SEC24B: variants seen among roughly 807,000 people sequenced by gnomAD.
SEC24B encodes the protein SEC24 homolog B, COPII component.
Under a neutral mutation model 142.8 loss-of-function variants are expected in SEC24B, and 45 were observed. The ratio of observed to expected loss-of-function variants is 0.32; its 90% CI spans 0.25 to 0.40. The LOEUF (loss-of-function observed/expected upper bound fraction) is 0.40, where lower values mean the gene tolerates loss of function less well. Among genes scored for constraint, SEC24B ranks in the 10% least tolerant of loss-of-function variants. The pLI is 1.00. For missense variants in SEC24B, 1,409 were observed against 1,526.8 expected, an observed-to-expected ratio of 0.92 and a Z score of 1.29; for synonymous variants, 574 against 568.2, an observed-to-expected ratio of 1.01 and a Z score of -0.15.
Position 109,521,039 on chromosome 4 carries a change from A to G in SEC24B, c.2246-78A>G, listed in dbSNP as rs1561171297. ...CAAAATTATAGTACACATTACATGTATGACCTGATAAAAACTAAGATTTTC... is the reference window on the plus strand; with the variant it reads ...CAAAATTATAGTACACATTACATGTGTGACCTGATAAAAACTAAGATTTTC... On this transcript the variant is annotated intron_variant, in intron 12 of 23. Coordinates refer to ENST00000265175, the MANE Select transcript of SEC24B (RefSeq NM_006323.5). 5.7e-6 allele frequency: 5 copies of G among 877,140 alleles called. No individual in the cohort carries two copies. The East Asian group carries it at 7.4e-5, about 13-fold the overall frequency. 54.3% of individuals were successfully genotyped at this position (877,140 alleles called of 1,614,324 possible).
At chr4:109,482,977 T>TATATATATATATATATAC (rs1733910237) in intron 4 of SEC24B, among the ~76,000 whole-genome samples, 1 of 47,478 alleles carries the variant, frequency 2.1e-5, no homozygotes, top group African/African-American at 9.9e-5. Context: ...TATATATATA[T>TATATATATATATATATAC]ATACACACAC....
intron 1 of SEC24B, among the ~76,000 whole-genome samples, chr4:109,445,239 TTTG>T (rs1011142464): frequency 7.3e-6 from 1 of 136,132 alleles, no homozygotes; most frequent in Non-Finnish European, 1.5e-5. Context: ...TCTTTCTTTC[TTTG>T]TTTTTTTTTT....
At chr4:109,536,985 A>G in intron 22 of SEC24B, among the ~76,000 whole-genome samples, 1 of 152,268 alleles carries the variant, frequency 6.6e-6, no homozygotes, top group South Asian at 2.1e-4. Flanking sequence ...AAATCTTAAG[A>G]TTATCTGTAA....
chr4:109,530,730 C>T (rs1053413983), intron 19 of SEC24B, among the ~76,000 whole-genome samples: 4 of 151,452 alleles, frequency 2.6e-5, no homozygotes, highest in South Asian at 2.1e-4. Context: ...AGTGAAACCC[C>T]GCCTCTACCA....
chr4:109,517,672 G>GAT (rs554426162), intron 11 of SEC24B, among the ~76,000 whole-genome samples: 4 of 152,000 alleles, frequency 2.6e-5, no homozygotes, highest in African/African-American at 9.7e-5. Flanking sequence ...CCACAGTGTA[G>GAT]ATATATATAT....
intron 5 of SEC24B, 74 bp downstream of exon 5, chr4:109,491,481 G>A (rs1388501947): frequency 6.4e-6 from 7 of 1,092,856 alleles, no homozygotes; most frequent in East Asian, 4.8e-5. Flanking sequence ...ATGTGAACAT[G>A]TATTACACAT....
chr4:109,433,848 C>A lies in SEC24B; in HGVS notation c.-22C>A, dbSNP rs1728092869. On this transcript the variant is annotated 5_prime_UTR_variant, in exon 1 of 24. Transcript: ENST00000265175. ...TCCGCCCACCTCCCTGAAGCGGAGC[C>A]GCCGTCGCCACCAGCGCCGTCATGT... 13 of 1,291,678 alleles carry A rather than the reference C, an allele frequency of 1.0e-5. No individual in the cohort carries two copies. Among genetic ancestry groups the A allele is most frequent in the Admixed American group, 7.5e-5 (2 of 26,730 alleles). The allele number at this position is 1,291,678 out of a possible 1,614,324, so 80.0% of individuals were successfully genotyped here. A position where few individuals can be genotyped will look rare whatever the true frequency, so the allele number is the denominator to read the frequency against.
chr4:109,494,979 C>T, intron 6 of SEC24B, 123 bp downstream of exon 6: 1 of 1,132,882 alleles, frequency 8.8e-7, no homozygotes, highest in Non-Finnish European at 1.3e-6. Context: ...CAGCCTAGAT[C>T]AAACATACAT....
intron 11 of SEC24B, among the ~76,000 whole-genome samples, chr4:109,517,104 A>T (rs1040176921): frequency 6.6e-6 from 1 of 152,332 alleles, no homozygotes; most frequent in East Asian, 1.9e-4. Context: ...TGATCCAGCA[A>T]TCCCACTACT....
At chr4:109,484,463 C>G (rs1734138425) in intron 4 of SEC24B, among the ~76,000 whole-genome samples, 1 of 151,934 alleles carries the variant, frequency 6.6e-6, no homozygotes, top group Non-Finnish European at 1.5e-5. Flanking sequence ...ACTGTTTTTC[C>G]CTGTTAAAAT....
chr4:109,505,293 T>A (rs1192060206), intron 6 of SEC24B, among the ~76,000 whole-genome samples: 1 of 152,114 alleles, frequency 6.6e-6, no homozygotes, highest in Non-Finnish European at 1.5e-5. Context: ...TTCAAGCTGA[T>A]CTTAAAACCT....
intron 6 of SEC24B, among the ~76,000 whole-genome samples, chr4:109,499,562 G>A (rs1735895221): frequency 6.6e-6 from 1 of 152,128 alleles, no homozygotes; most frequent in Non-Finnish European, 1.5e-5. Flanking sequence ...GCTGCATAAT[G>A]ACATTTTAGT....
chr4:109,513,921 T>A, intron 10 of SEC24B, 65 bp downstream of exon 10: 1 of 1,029,362 alleles, frequency 9.7e-7, no homozygotes, highest in Non-Finnish European at 1.5e-6. Context: ...AATTTTCTGT[T>A]AAGTGAACTC....
intron 6 of SEC24B, among the ~76,000 whole-genome samples, chr4:109,503,226 ATT>A (rs1391734152): frequency 1.2e-4 from 15 of 121,770 alleles, no homozygotes; most frequent in Non-Finnish European, 1.6e-4. Flanking sequence ...CGCCTGGCTA[ATT>A]TTTTTTTTTT....
intron 4 of SEC24B, among the ~76,000 whole-genome samples, chr4:109,483,401 T>G (rs1203797669): frequency 1.3e-5 from 2 of 152,044 alleles, no homozygotes; most frequent in Non-Finnish European, 2.9e-5. Flanking sequence ...TTTAATAATT[T>G]TGTACATGAT....
rs200893141 is a variant in SEC24B at position 109,473,037 on chromosome 4, A to C, written c.911A>C (p.Asn304Thr). The C allele has an allele frequency of 2.8e-5, 45 of 1,588,298 alleles. No individual in the cohort carries two copies. Among genetic ancestry groups the C allele is most frequent in the Non-Finnish European group, 3.7e-5 (43 of 1,168,690 alleles). Reference protein sequence around the residue: ...ADSLSCPVMQNVQPPKSSPVV... With the variant: ...ADSLSCPVMQTVQPPKSSPVV... ...TCTTTATCCTGTCCTGTTATGCAAA[A>C]TGTTCAGCCTCCCAAGTCCAGCCCA... The change falls in exon 3 of 24, where the codon AAT becomes ACT. Residue 304 changes from asparagine (N) to threonine (T), a missense_variant. This residue lies in a region of SEC24B where 709 missense variants were observed against 673.5 expected (regional missense o/e 1.05). Transcript: ENST00000265175.
chr4:109,483,758 A>G (rs980599181), intron 4 of SEC24B, among the ~76,000 whole-genome samples: 3 of 152,210 alleles, frequency 2.0e-5, no homozygotes, highest in Non-Finnish European at 4.4e-5. Flanking sequence ...TCTTACTCTA[A>G]ATACGTAAGT....
intron 1 of SEC24B, among the ~76,000 whole-genome samples, chr4:109,449,967 C>G (rs914649233): frequency 1.3e-5 from 2 of 152,082 alleles, no homozygotes; most frequent in Non-Finnish European, 1.5e-5. Context: ...GTAATCTCAG[C>G]ACTTTGGGAG....
intron 5 of SEC24B, among the ~76,000 whole-genome samples, chr4:109,492,912 G>A (rs1319866140): frequency 6.6e-6 from 1 of 151,396 alleles, no homozygotes; most frequent in Admixed American, 6.6e-5. Context: ...TAAAGATGGG[G>A]TCTCACTTTG....
Sources: allele counts gnomAD v4.1 joint callset (sites outside exome capture counted in the v4.1 genomes callset), GRCh38; gene constraint gnomAD v4.1.1; regional missense constraint gnomAD v4.1.1; transcripts MANE v1.5; gene names NCBI Gene and HGNC (gene_info 2026-07-23, HGNC 2026-07-21).